MAPK10: variants seen among roughly 807,000 people sequenced by gnomAD.
MAPK10 encodes JNK3 alpha protein kinase.
Under a neutral mutation model 59.3 loss-of-function variants are expected in MAPK10, and 25 were observed. That is an observed-to-expected ratio of 0.42 (90% CI 0.31 to 0.59). The LOEUF (loss-of-function observed/expected upper bound fraction) is 0.59. Ranked by LOEUF, MAPK10 falls within the 20% of genes least tolerant of loss-of-function variation. MAPK10 has a pLI of 0.15. For synonymous variants in MAPK10, 190 were observed against 200.5 expected (o/e 0.95, Z 0.44); for missense variants, 351 against 568.9 (o/e 0.62, Z 3.90).
intron 2 of MAPK10, among the ~76,000 whole-genome samples, chr4:86,221,090 G>A (rs2089431008): frequency 6.6e-6 from 1 of 152,204 alleles, no homozygotes; most frequent in Admixed American, 6.5e-5. Context: ...CGGCTGGGAA[G>A]TGCCCATCAG....
chr4:86,515,905 T>A (rs908966440), intron 1 of MAPK10, among the ~76,000 whole-genome samples: 5 of 152,050 alleles, frequency 3.3e-5, no homozygotes, highest in Non-Finnish European at 7.4e-5. Flanking sequence ...TGTTTTGTTT[T>A]TGTTTTTGTT....
chr4:86,118,645 T>C (rs766125531), intron 4 of MAPK10, among the ~76,000 whole-genome samples: 22 of 152,034 alleles, frequency 1.4e-4, no homozygotes, highest in Non-Finnish European at 1.9e-4. Flanking sequence ...GTTCTCAATA[T>C]ATTTATCAGG....
intron 3 of MAPK10, among the ~76,000 whole-genome samples, chr4:86,159,889 CAGAT>C (rs2068992238): frequency 1.3e-5 from 2 of 148,888 alleles, no homozygotes; most frequent in South Asian, 4.2e-4. Flanking sequence ...CACATGAGAA[CAGAT>C]AAAAAATTGT....
At chr4:86,313,480 A>G (rs2095712411) in intron 2 of MAPK10, among the ~76,000 whole-genome samples, 1 of 152,126 alleles carries the variant, frequency 6.6e-6, no homozygotes. Flanking sequence ...AAATCTACCT[A>G]TTCAACAGAG....
In MAPK10 at chr4:86,172,765, AAAAT is replaced by A. The variant is rs199593482; in HGVS notation, c.67-13302_67-13299del. On this transcript the variant is annotated intron_variant, in intron 3 of 13. Coordinates refer to ENST00000641462, the MANE Select transcript of MAPK10 (RefSeq NM_138982.4). ...AAGAAACATGAAAAAAATAAAAATA[AAAAT>A]AAATAAGTAAAAAATTAAAAAAAAA... Among the ~76,000 whole-genome samples, 854 of 150,296 alleles carry A rather than the reference AAAAT, an allele frequency of 5.7e-3. 7 individuals are homozygous for A. The highest frequency in any genetic ancestry group is 0.02 in the African/African-American group (819 of 40,074).
chr4:86,159,255 C>T (rs766493912), intron 4 of MAPK10, 43 bp downstream of exon 4: 14 of 1,490,402 alleles, frequency 9.4e-6, no homozygotes, highest in African/African-American at 8.5e-5. Context: ...TAGTTGCACA[C>T]GGTGTGTTCC....
intron 1 of MAPK10, among the ~76,000 whole-genome samples, chr4:86,549,638 G>A (rs1354867629): frequency 6.6e-6 from 1 of 152,146 alleles, no homozygotes; most frequent in African/African-American, 2.4e-5. Context: ...TAAACAGGCT[G>A]TTTATTGAAA....
At chr4:86,546,238 AAAAAATT>A (rs1759145479) in intron 1 of MAPK10, among the ~76,000 whole-genome samples, 1 of 148,626 alleles carries the variant, frequency 6.7e-6, no homozygotes. Flanking sequence ...AATAAAAAAT[AAAAAATT>A]ACTAAGAATT....
intron 1 of MAPK10, among the ~76,000 whole-genome samples, chr4:86,555,317 G>A (rs1760176227): frequency 6.6e-6 from 1 of 152,076 alleles, no homozygotes; most frequent in South Asian, 2.1e-4. Context: ...GCGGTGGCCG[G>A]TGCCTGTAGT....
chr4:86,046,974 T>C (rs765108421), intron 11 of MAPK10, among the ~76,000 whole-genome samples: 1 of 152,120 alleles, frequency 6.6e-6, no homozygotes, highest in Non-Finnish European at 1.5e-5. Context: ...CAGTGACACA[T>C]AGAGAAAAAA....
chr4:86,416,011 T>C (rs1376015516), intron 1 of MAPK10, among the ~76,000 whole-genome samples: 1 of 152,130 alleles, frequency 6.6e-6, no homozygotes, highest in Non-Finnish European at 1.5e-5. Context: ...ATAATAAGAG[T>C]ACCACTGTTA....
intron 3 of MAPK10, among the ~76,000 whole-genome samples, chr4:86,165,361 T>TTTATGAGATTATGAGA (rs1489591523): frequency 6.6e-6 from 1 of 152,006 alleles, no homozygotes; most frequent in Non-Finnish European, 1.5e-5. Context: ...TATCAAATTA[T>TTTATGAGATTATGAGA]TTACATATGA....
At chr4:86,091,220 A>T (rs1342235225) in intron 9 of MAPK10, 1 of 151,552 alleles carries the variant, frequency 6.6e-6, no homozygotes, top group Non-Finnish European at 1.5e-5. Flanking sequence ...TGGGAATTAA[A>T]TATCTTTGGA....
rs1353300998 is a variant in MAPK10 at position 86,055,231 on chromosome 4, T to TGTCTCTCTGG, written c.1110+9034_1110+9035insCCAGAGAGAC. 1.2e-3 allele frequency among the ~76,000 whole-genome samples: 176 copies of TGTCTCTCTGG among 150,952 alleles called. 2 individuals carry two copies. Among genetic ancestry groups the TGTCTCTCTGG allele is most frequent in the Middle Eastern group, 3.4e-3 (1 of 292 alleles). On this transcript the variant is annotated intron_variant, in intron 11 of 13. Transcript: ENST00000641462. The stretch of plus-strand genomic sequence containing the variant: ...TATGGAAATAAAATCACTAACATGC[T>TGTCTCTCTGG]AAACATTACAGATACTTGAAATTAT...
At chr4:86,447,780 T>C (rs1170921834) in intron 1 of MAPK10, among the ~76,000 whole-genome samples, 1 of 152,240 alleles carries the variant, frequency 6.6e-6, no homozygotes, top group African/African-American at 2.4e-5. Flanking sequence ...TCCTAAAATG[T>C]GTATCTTAAA....
intron 2 of MAPK10, among the ~76,000 whole-genome samples, chr4:86,218,409 C>G (rs2088401596): frequency 6.6e-6 from 1 of 151,980 alleles, no homozygotes; most frequent in South Asian, 2.1e-4. Context: ...GATCCGCACG[C>G]CTTGGCCTCC....
chr4:86,218,405 C>T (rs796504262), intron 2 of MAPK10, among the ~76,000 whole-genome samples: 13 of 152,148 alleles, frequency 8.5e-5, no homozygotes, highest in African/African-American at 2.2e-4. Context: ...TGGTGATCCG[C>T]ACGCCTTGGC....
chr4:86,456,639 A>T (rs1205174756), upstream of MAPK10, among the ~76,000 whole-genome samples: 1 of 152,178 alleles, frequency 6.6e-6, no homozygotes, highest in Admixed American at 6.5e-5. Context: ...GACCAATAAC[A>T]AACAGCAATA....
intron 3 of MAPK10, among the ~76,000 whole-genome samples, chr4:86,165,505 T>C (rs7697017): frequency 0.085 from 12,586 of 147,980 alleles, 1,196 homozygotes; most frequent in African/African-American, 0.23. Flanking sequence ...AGCCTTCTGA[T>C]AGCTGATACT....
Sources: allele counts gnomAD v4.1 joint callset (sites outside exome capture counted in the v4.1 genomes callset), GRCh38; gene constraint gnomAD v4.1.1; transcripts MANE v1.5; gene names NCBI Gene and HGNC (gene_info 2026-07-23, HGNC 2026-07-21).